SSTR3: variants seen among roughly 807,000 people sequenced by gnomAD.
The protein encoded by SSTR3 is somatostatin receptor type 3.
For synonymous variants in SSTR3, 281 were observed against 269.2 expected (o/e 1.04, Z -0.43); for missense variants, 504 against 604.7 (o/e 0.83, Z 1.75).
chr22:37,211,510 G>A (rs1426691923), intron 1 of SSTR3, among the ~76,000 whole-genome samples: 2 of 152,198 alleles, frequency 1.3e-5, no homozygotes, highest in Admixed American at 6.5e-5. Flanking sequence ...GCACAGTGCC[G>A]GGTATGGAGG....
chr22:37,215,771 CT>C (rs1334087538), upstream of SSTR3: 234 of 276,764 alleles, frequency 8.5e-4, no homozygotes, highest in Non-Finnish European at 8.0e-4. Context: ...CCAATATCTC[CT>C]TTTGGAGCTG....
chr22:37,212,224 AAAG>A lies in SSTR3; in HGVS notation c.-439_-437del. 1.2e-6 allele frequency: 1 copy of A among 845,152 alleles called. No individual in the cohort carries two copies. Among genetic ancestry groups the A allele is most frequent in the Non-Finnish European group, 1.4e-6 (1 of 703,886 alleles). The allele number at this position is 845,152 out of a possible 1,614,324, so 52.4% of individuals were successfully genotyped here. ...GAGGTGGAGAAAGAGAGAGAGAGAG[AAAG>A]AGGGAGGGGGAGAGAGAGAGAGGGA... On this transcript the variant is annotated 5_prime_UTR_variant, in exon 1 of 2. Coordinates refer to ENST00000610913, the MANE Select transcript of SSTR3 (RefSeq NM_001051.5).
upstream of SSTR3, among the ~76,000 whole-genome samples, chr22:37,214,087 C>A (rs1196040161): frequency 6.6e-6 from 1 of 152,144 alleles, no homozygotes; most frequent in Admixed American, 6.5e-5. Flanking sequence ...CAGTGTGCCC[C>A]CTGCCACACA....
chr22:37,215,644 T>G (rs59755875), upstream of SSTR3: 24,519 of 201,538 alleles, frequency 0.12, 1,646 homozygotes, highest in South Asian at 0.17. Context: ...CATGTCCAGC[T>G]GTCCAGATAG....
rs919101624 is a variant in SSTR3, at chr22:37,212,199, G to A, written c.-411C>T. The A allele has an allele frequency of 1.0e-6, 1 of 961,546 alleles. No individual in the cohort carries two copies. Among genetic ancestry groups the A allele is most frequent in the African/African-American group, 1.8e-5 (1 of 56,236 alleles). 59.6% of individuals were successfully genotyped at this position (961,546 alleles called of 1,614,324 possible). On this transcript the variant is annotated 5_prime_UTR_variant, in exon 1 of 2. Coordinates refer to ENST00000610913, the MANE Select transcript of SSTR3 (RefSeq NM_001051.5). ...AATAGAGGGGAAAGGGGGTCGGGAGGAGGTGGAGAAAGAGAGAGAGAGAGA... is the reference window on the plus strand; with the variant it reads ...AATAGAGGGGAAAGGGGGTCGGGAGAAGGTGGAGAAAGAGAGAGAGAGAGA...
Position 37,207,815 on chromosome 22 carries a change from G to A in SSTR3, c.-12C>T, listed in dbSNP as rs1425790658. Reference sequence around the variant, plus strand: ...TGAAGCATGTCCATGGCTGAGGGGAGGGTGGTCAGCAGTCAGCTATTTGCC... The same window carrying A: ...TGAAGCATGTCCATGGCTGAGGGGAAGGTGGTCAGCAGTCAGCTATTTGCC... On this transcript the variant is annotated 5_prime_UTR_variant, in exon 2 of 2. Transcript: ENST00000610913. The A allele has an allele frequency of 1.3e-6, 2 of 1,496,652 alleles. No individual in the cohort carries two copies. The highest frequency in any genetic ancestry group is 1.8e-6 in the Non-Finnish European group (2 of 1,123,818). 92.7% of individuals were successfully genotyped at this position (1,496,652 alleles called of 1,614,324 possible). A position where few individuals can be genotyped will look rare whatever the true frequency, so the allele number is the denominator to read the frequency against.
upstream of SSTR3, among the ~76,000 whole-genome samples, chr22:37,212,800 T>C (rs1486397361): frequency 6.6e-6 from 1 of 151,936 alleles, no homozygotes; most frequent in East Asian, 1.9e-4. Context: ...AGTCCAGCCC[T>C]GCAGTCGGGC....
At chr22:37,209,735 A>G (rs1926075363) in intron 1 of SSTR3, among the ~76,000 whole-genome samples, 4 of 152,222 alleles carry the variant, frequency 2.6e-5, no homozygotes, top group Admixed American at 1.3e-4. Context: ...AAATCTGGAA[A>G]GATCTGTAGT....
upstream of SSTR3, among the ~76,000 whole-genome samples, chr22:37,215,461 C>T (rs1926399297): frequency 6.6e-6 from 1 of 152,254 alleles, no homozygotes; most frequent in Non-Finnish European, 1.5e-5. Flanking sequence ...TCTTGGCTCA[C>T]TGCAACCTCC....
rs1925623915 is a variant in SSTR3 at position 37,204,874 on chromosome 22, C to T, written c.*1673G>A. On this transcript the variant is annotated 3_prime_UTR_variant, in exon 2 of 2. Coordinates refer to ENST00000610913, the MANE Select transcript of SSTR3 (RefSeq NM_001051.5). ...GCTGAAGATCCAAGTCTCCAAAAGTCTGGTTCCTGTGCTTTCCCTGAGGAC... is the reference window on the plus strand; with the variant it reads ...GCTGAAGATCCAAGTCTCCAAAAGTTTGGTTCCTGTGCTTTCCCTGAGGAC... 6.6e-6 allele frequency: 1 copy of T among 152,314 alleles called. No individual in the cohort carries two copies. The highest frequency in any genetic ancestry group is 2.4e-5 in the African/African-American group (1 of 41,466). 9.4% of individuals were successfully genotyped at this position (152,314 alleles called of 1,614,324 possible).
chr22:37,206,370 G>A lies in SSTR3; in HGVS notation c.*177C>T, dbSNP rs973266395. The A allele has an allele frequency of 2.0e-5, 19 of 939,814 alleles. No individual in the cohort carries two copies. Among genetic ancestry groups the A allele is most frequent in the Non-Finnish European group, 2.7e-5 (18 of 655,148 alleles). The allele number at this position is 939,814 out of a possible 1,614,324, so 58.2% of individuals were successfully genotyped here. On this transcript the variant is annotated 3_prime_UTR_variant, in exon 2 of 2. Coordinates refer to ENST00000610913, the MANE Select transcript of SSTR3 (RefSeq NM_001051.5). The stretch of plus-strand genomic sequence containing the variant: ...CCCTGAGTCACAGAGGAGAAAACAA[G>A]GCCCAGAGAGTAGAAGCAACCTACC...
upstream of SSTR3, chr22:37,215,658 T>C (rs751803969): frequency 3.2e-5 from 7 of 218,686 alleles, no homozygotes; most frequent in Non-Finnish European, 5.8e-5. Flanking sequence ...CAGATAGTGG[T>C]GACATTTTCA....
intron 1 of SSTR3, chr22:37,210,560 C>T (rs1225501355): frequency 4.1e-6 from 4 of 985,358 alleles, no homozygotes; most frequent in South Asian, 4.7e-5. Context: ...ATTGAGGTGC[C>T]GTCTTTTCTT....
chr22:37,212,236 G>GGA lies in SSTR3; in HGVS notation c.-450_-449dup, dbSNP rs370802114. On this transcript the variant is annotated 5_prime_UTR_variant, in exon 1 of 2. The change creates a premature stop within an existing upstream ORF in the 5' untranslated region. Coordinates refer to ENST00000610913, the MANE Select transcript of SSTR3 (RefSeq NM_001051.5). Reference sequence around the variant, plus strand: ...GAGAGAGAGAGAGAAAGAGGGAGGGGGAGAGAGAGAGAGGGAGAGGGAGAG... The same window carrying GGA: ...GAGAGAGAGAGAGAAAGAGGGAGGGGGAGAGAGAGAGAGAGGGAGAGGGAGAG... 25 of 686,550 alleles carry GGA rather than the reference G, an allele frequency of 3.6e-5. No individual in the cohort carries two copies. The highest frequency in any genetic ancestry group is 6.6e-5 in the South Asian group (1 of 15,104). The allele number at this position is 686,550 out of a possible 1,614,324, so 42.5% of individuals were successfully genotyped here.
upstream of SSTR3, among the ~76,000 whole-genome samples, chr22:37,213,556 T>C (rs572436668): frequency 6.6e-6 from 1 of 152,336 alleles, no homozygotes; most frequent in South Asian, 2.1e-4. Context: ...ACACACCCAC[T>C]TCCAGCCGGA....
Position 37,206,903 on chromosome 22 carries a change from G to A in SSTR3, c.901C>T (p.Leu301=), listed in dbSNP as rs1925818035. Residue 301 remains leucine, a synonymous_variant, in exon 2 of 2, where the codon CTG becomes TTG. Coordinates refer to ENST00000610913, the MANE Select transcript of SSTR3 (RefSeq NM_001051.5). ...TTGGCACAGCTGTTGGCATAGGGCA[G>A]CGCCACCACCAGGAAGTAGAGCCCA... ...FFGLYFLVVA[L]PYANSCANPI... is the part of the protein sequence containing the mutation. The A allele has an allele frequency of 6.2e-7, 1 of 1,613,484 alleles. No homozygotes were observed. The highest frequency in any genetic ancestry group is 1.3e-5 in the African/African-American group (1 of 74,948).
rs988807314 is a variant in SSTR3 at position 37,207,058 on chromosome 22, C to T, written c.746G>A (p.Arg249Gln). 6.2e-6 allele frequency: 10 copies of T among 1,611,916 alleles called. No homozygotes were observed. In the Admixed American group the frequency reaches 8.3e-5, roughly 13 times the overall value. The change falls in exon 2 of 2, where the codon CGG (arginine) becomes CAG (glutamine). Residue 249 changes from arginine to glutamine, a missense_variant. Coordinates refer to ENST00000610913, the MANE Select transcript of SSTR3 (RefSeq NM_001051.5). ...RVWAPSCQRR[R>Q]RSERRVTRMV... ...GCGCGTGACCCTGCGTTCGGAGCGC[C>T]GCCGCCGCTGGCACGAGGGTGCCCA...
Position 37,207,272 on chromosome 22 carries a change from C to T in SSTR3, c.532G>A (p.Val178Met), listed in dbSNP as rs201631765. 11 of 1,596,434 alleles carry T rather than the reference C, an allele frequency of 6.9e-6. No individual in the cohort carries two copies. Among genetic ancestry groups the T allele is most frequent in the African/African-American group, 4.0e-5 (3 of 74,696 alleles). Reference sequence around the variant, plus strand: ...CGGGGCACTCCCGAGAAGACCACCACGGGCAGCACCACCACGGCTGAGGCC... The same window carrying T: ...CGGGGCACTCCCGAGAAGACCACCATGGGCAGCACCACCACGGCTGAGGCC... The part of the protein sequence containing the change: ...WVASAVVVLP[V>M]VVFSGVPRGM... The change falls in exon 2 of 2, where the codon GTG becomes ATG. Residue 178 changes from valine (V) to methionine (M), a missense_variant. Val to Met is a conservative substitution (Grantham distance 21). Coordinates refer to ENST00000610913, the MANE Select transcript of SSTR3 (RefSeq NM_001051.5).
In SSTR3 at chr22:37,207,737, G is replaced by C; in HGVS notation, c.67C>G (p.Pro23Ala). 1 of 1,526,730 alleles carries C rather than the reference G, an allele frequency of 6.5e-7. No individual in the cohort carries two copies. The highest frequency in any genetic ancestry group is 2.3e-5 in the East Asian group (1 of 44,000). 94.6% of individuals were successfully genotyped at this position (1,526,730 alleles called of 1,614,324 possible). The change falls in exon 2 of 2, where the codon CCC (proline) becomes GCC (alanine). Residue 23 changes from proline (P) to alanine (A), a missense_variant. Coordinates refer to ENST00000610913, the MANE Select transcript of SSTR3 (RefSeq NM_001051.5). ...ACGTTGCCCAGGGTGGCATCTGGGGGCCAGGCCGAGGAGGCATTCTCAGGT... is the reference window on the plus strand; with the variant it reads ...ACGTTGCCCAGGGTGGCATCTGGGGCCCAGGCCGAGGAGGCATTCTCAGGT... ...SEPENASSAW[P>A]PDATLGNVSA...
Sources: allele counts gnomAD v4.1 joint callset (sites outside exome capture counted in the v4.1 genomes callset), GRCh38; gene constraint gnomAD v4.1.1; transcripts MANE v1.5; gene names NCBI Gene and HGNC (gene_info 2026-07-23, HGNC 2026-07-21).